Variants in SLC25A15 observed in about 807,000 individuals in gnomAD.
The protein encoded by SLC25A15 is mitochondrial ornithine transporter 1.
SLC25A15 carries 24 observed loss-of-function variants against 32.3 expected under a neutral mutation model. The ratio of observed to expected loss-of-function variants is 0.74; its 90% CI spans 0.54 to 1.04. The LOEUF (loss-of-function observed/expected upper bound fraction) is 1.04, where lower values mean the gene tolerates loss of function less well. Among genes scored for constraint, SLC25A15 ranks in the 50% least tolerant of loss-of-function variants. The pLI is 0.00. For missense variants in SLC25A15, 317 were observed against 374.5 expected (o/e 0.85, Z 1.27); for synonymous variants, 132 against 142.1 (o/e 0.93, Z 0.51).
At chr13:40,792,062 G>C (rs1482757546) in intron 1 of SLC25A15, among the ~76,000 whole-genome samples, 2 of 152,196 alleles carry the variant, frequency 1.3e-5, no homozygotes, top group African/African-American at 4.8e-5. Flanking sequence ...TTTGAAAACT[G>C]TACAGGATTG....
intron 6 of SLC25A15, 27 bp from the exon 7 acceptor site, chr13:40,809,516 G>A: frequency 6.2e-7 from 1 of 1,611,964 alleles, no homozygotes; most frequent in Non-Finnish European, 8.5e-7. Context: ...GATTGTTGCA[G>A]TCTTTGACCG....
intron 1 of SLC25A15, among the ~76,000 whole-genome samples, chr13:40,791,361 A>ATT (rs1406944487): frequency 2.9e-5 from 4 of 139,226 alleles, no homozygotes; most frequent in African/African-American, 1.2e-4. Context: ...TATTATTATT[A>ATT]TTATTTTTTT....
At chr13:40,802,508 C>T (rs1881932365) in intron 3 of SLC25A15, among the ~76,000 whole-genome samples, 1 of 152,048 alleles carries the variant, frequency 6.6e-6, no homozygotes, top group South Asian at 2.1e-4. Context: ...ACTGGTGCCA[C>T]CTTGATTTTA....
intron 2 of SLC25A15, among the ~76,000 whole-genome samples, chr13:40,794,613 A>G (rs1442083924): frequency 2.0e-5 from 3 of 152,180 alleles, no homozygotes; most frequent in Non-Finnish European, 2.9e-5. Context: ...TGGGAAGTGC[A>G]TGGTGGTAAT....
Position 40,808,577 on chromosome 13 carries a change from A to G in SLC25A15, c.762A>G (p.Ile254Met). 1 of 1,604,532 alleles carries G rather than the reference A, an allele frequency of 6.2e-7. No homozygotes were observed. Among genetic ancestry groups the G allele is most frequent in the East Asian group, 2.2e-5 (1 of 44,874 alleles). The change falls in exon 6 of 7, where the codon ATA becomes ATG. Residue 254 changes from isoleucine (I) to methionine (M), a missense_variant. Transcript: ENST00000338625. ...GKQAGFIRTFINVVKNEGITA... is the reference protein window; with the variant it reads ...GKQAGFIRTFMNVVKNEGITA... ...AGGCAGGATTTATCAGAACCTTTATAAATGTTGTGAAAAATGAAGGTGAGT... is the reference window on the plus strand; with the variant it reads ...AGGCAGGATTTATCAGAACCTTTATGAATGTTGTGAAAAATGAAGGTGAGT...
In SLC25A15 at chr13:40,809,380, T is replaced by C. The variant is rs1882348112; in HGVS notation, c.782-163T>C. Among the ~76,000 whole-genome samples, 5 of 152,222 alleles carry C rather than the reference T, an allele frequency of 3.3e-5. No individual in the cohort carries two copies. In the South Asian group the frequency reaches 1.0e-3, roughly 31 times the overall value. On this transcript the variant is annotated intron_variant, in intron 6 of 6. Transcript: ENST00000338625. ...GACCTGATACTTGTCCTTGTTTCCATTAGTCTATTTAGGAAAAGCTGGGAA... is the reference window on the plus strand; with the variant it reads ...GACCTGATACTTGTCCTTGTTTCCACTAGTCTATTTAGGAAAAGCTGGGAA...
At chr13:40,805,339 G>A (rs1482380559) in intron 4 of SLC25A15, 84 bp downstream of exon 4, 2 of 1,523,890 alleles carry the variant, frequency 1.3e-6, no homozygotes, top group Non-Finnish European at 1.8e-6. Flanking sequence ...TACTAAAGTG[G>A]CAGATGTGGA....
intron 6 of SLC25A15, among the ~76,000 whole-genome samples, chr13:40,809,154 A>G (rs1882334638): frequency 6.6e-6 from 1 of 152,138 alleles, no homozygotes; most frequent in Non-Finnish European, 1.5e-5. Context: ...GGCAGTACTA[A>G]TACTATACAC....
intron 2 of SLC25A15, among the ~76,000 whole-genome samples, chr13:40,797,078 G>A (rs1465546856): frequency 6.6e-6 from 1 of 152,108 alleles, no homozygotes; most frequent in Non-Finnish European, 1.5e-5. Context: ...TCTGTGGTTG[G>A]TACTGGTGTT....
chr13:40,812,340 T>C lies in SLC25A15; in HGVS notation c.*2673T>C, dbSNP rs1242390377. Reference sequence around the variant, plus strand: ...GAATATTTTTTTTTTATTCATTCTGTTTGCTTAATTCAGAGTACAGTTTGT... The same window carrying C: ...GAATATTTTTTTTTTATTCATTCTGCTTGCTTAATTCAGAGTACAGTTTGT... On this transcript the variant is annotated 3_prime_UTR_variant, in exon 7 of 7. Coordinates refer to ENST00000338625, the MANE Select transcript of SLC25A15 (RefSeq NM_014252.4). Among the ~76,000 whole-genome samples, 2 of 152,210 alleles carry C rather than the reference T, an allele frequency of 1.3e-5. No homozygotes were observed. Among genetic ancestry groups the C allele is most frequent in the African/African-American group, 2.4e-5 (1 of 41,460 alleles).
At chr13:40,804,040 A>G (rs1212645238) in intron 3 of SLC25A15, among the ~76,000 whole-genome samples, 1 of 152,172 alleles carries the variant, frequency 6.6e-6, no homozygotes, top group Non-Finnish European at 1.5e-5. Context: ...GTAACAGAAT[A>G]CTACAGATTG....
intron 4 of SLC25A15, 138 bp downstream of exon 4, chr13:40,805,393 C>T (rs1333901196): frequency 2.9e-6 from 3 of 1,045,188 alleles, no homozygotes; most frequent in Non-Finnish European, 4.3e-6. Context: ...GAATGCTTTC[C>T]CCTATCAGAG....
chr13:40,796,969 A>G (rs1259466249), intron 2 of SLC25A15, among the ~76,000 whole-genome samples: 1 of 152,216 alleles, frequency 6.6e-6, no homozygotes, highest in Non-Finnish European at 1.5e-5. Flanking sequence ...TAAGGAGAAT[A>G]AGATCAGAAG....
rs907783864 is a variant in SLC25A15, at chr13:40,811,374, A to G, written c.*1707A>G. Among the ~76,000 whole-genome samples the G allele has an allele frequency of 6.6e-6, 1 of 152,180 alleles. No homozygotes were observed. Among genetic ancestry groups the G allele is most frequent in the South Asian group, 2.1e-4 (1 of 4,818 alleles). On this transcript the variant is annotated 3_prime_UTR_variant, in exon 7 of 7. Coordinates refer to ENST00000338625, the MANE Select transcript of SLC25A15 (RefSeq NM_014252.4). ...CGTGGTGGCACGTGCCTGTAATCCC[A>G]GCTACTCAGGAGGCTGAGGCAGGAG...
chr13:40,804,736 G>A (rs528123214), intron 3 of SLC25A15, among the ~76,000 whole-genome samples: 50 of 149,520 alleles, frequency 3.3e-4, no homozygotes, highest in African/African-American at 1.2e-3. Flanking sequence ...ATTTTTAGTA[G>A]AGACAGGGTT....
chr13:40,798,250 A>C (rs1881734760), intron 2 of SLC25A15, among the ~76,000 whole-genome samples: 1 of 150,118 alleles, frequency 6.7e-6, no homozygotes, highest in African/African-American at 2.4e-5. Flanking sequence ...ACTGCACTCC[A>C]GCCTGGGTGA....
chr13:40,808,516 A>C lies in SLC25A15; in HGVS notation c.701A>C (p.Lys234Thr). 1 of 1,613,310 alleles carries C rather than the reference A, an allele frequency of 6.2e-7. No individual in the cohort carries two copies. The highest frequency in any genetic ancestry group is 8.5e-7 in the Non-Finnish European group (1 of 1,179,964). The change falls in exon 6 of 7, where the codon AAA (lysine) becomes ACA (threonine). Residue 234 changes from lysine (K) to threonine (T), a missense_variant. Physicochemically the swap from Lys to Thr is moderately conservative, Grantham distance 78. Coordinates refer to ENST00000338625, the MANE Select transcript of SLC25A15 (RefSeq NM_014252.4). ...WLAVYPVDCI[K>T]SRIQVLSMSG... ...GCGGTATACCCAGTGGATTGTATCA[A>C]ATCCAGAATTCAAGTTCTTTCCATG... is the stretch of plus-strand genomic sequence containing the variant.
intron 2 of SLC25A15, among the ~76,000 whole-genome samples, chr13:40,796,583 A>G (rs1012655513): frequency 6.6e-6 from 1 of 152,234 alleles, no homozygotes; most frequent in Non-Finnish European, 1.5e-5. Context: ...CCAAAATTAA[A>G]AACAACCCCA....
chr13:40,807,267 G>A (rs538507004), intron 4 of SLC25A15, 27 bp from the exon 5 acceptor site: 34 of 1,611,808 alleles, frequency 2.1e-5, no homozygotes, highest in Middle Eastern at 1.7e-4. Flanking sequence ...TGCTGTAACC[G>A]TGCTATCTCT....
Sources: gnomAD v4.1 joint callset for allele counts (sites outside exome capture counted in the v4.1 genomes callset) on GRCh38, gnomAD v4.1.1 for gene constraint, MANE v1.5 for transcripts, NCBI Gene and HGNC (gene_info 2026-07-23, HGNC 2026-07-21) for gene names.